The following FLT1 variants were observed in gnomAD, a reference collection of about 807,000 sequenced individuals.
FLT1 encodes the protein fms related receptor tyrosine kinase 1, also known as vascular endothelial growth factor receptor 1.
Under a neutral mutation model 156.3 loss-of-function variants are expected in FLT1, and 49 were observed. The observed-to-expected ratio is 0.31, with a 90% CI of 0.25 to 0.40. The LOEUF is 0.40. Ranked by LOEUF, FLT1 falls within the 10% of genes least tolerant of loss-of-function variation. The pLI, the probability that FLT1 is intolerant of heterozygous loss-of-function variation, is 1.00. For missense variants in FLT1, 1,322 were observed against 1,637.2 expected (o/e 0.81, Z 3.32); for synonymous variants, 594 against 583.8 (o/e 1.02, Z -0.25).
chr13:28,442,349 G>C (rs1878375172), intron 3 of FLT1, among the ~76,000 whole-genome samples: 1 of 152,094 alleles, frequency 6.6e-6, no homozygotes, highest in South Asian at 2.1e-4. Context: ...TTTCAACAAA[G>C]GACACTGGCA....
intron 3 of FLT1, among the ~76,000 whole-genome samples, chr13:28,443,560 T>G (rs1271466702): frequency 6.6e-6 from 1 of 152,238 alleles, no homozygotes. Context: ...TGGTTGCCTT[T>G]CTTTTAATTG....
intron 25 of FLT1, among the ~76,000 whole-genome samples, chr13:28,314,218 T>C (rs1477863613): frequency 5.3e-5 from 8 of 152,156 alleles, no homozygotes; most frequent in Non-Finnish European, 1.2e-4. Flanking sequence ...ATCAAGCTGC[T>C]GTCTGGGAGA....
At position 28,495,052 on chromosome 13, in the gene FLT1, C is replaced by G. The variant is rs1188281817; in HGVS notation, c.-209G>C. The G allele has an allele frequency of 8.5e-6, 4 of 471,680 alleles. No homozygotes were observed. Among genetic ancestry groups the G allele is most frequent in the Non-Finnish European group, 1.1e-5 (3 of 272,104 alleles). 29.2% of individuals were successfully genotyped at this position (471,680 alleles called of 1,614,324 possible). A position where few individuals can be genotyped will look rare whatever the true frequency, so the allele number is the denominator to read the frequency against. ...TGCACCCGAGCCCCGGAGCCCGCTCCGAGCCGCCGCCGCTGCCGGGGAGGA... is the reference window on the plus strand; with the variant it reads ...TGCACCCGAGCCCCGGAGCCCGCTCGGAGCCGCCGCCGCTGCCGGGGAGGA... On this transcript the variant is annotated 5_prime_UTR_variant, in exon 1 of 30. Transcript: ENST00000282397. This position sits in a 1 kb window ranked among gnomAD's most constrained non-coding sequence, Gnocchi z 4.1.
intron 15 of FLT1, among the ~76,000 whole-genome samples, chr13:28,347,590 G>A (rs184961458): frequency 3.3e-5 from 5 of 152,246 alleles, no homozygotes; most frequent in East Asian, 3.9e-4. Context: ...ATACAAGACA[G>A]GACCAGACCA....
intron 1 of FLT1, among the ~76,000 whole-genome samples, chr13:28,493,818 C>T (rs1430628988): frequency 1.3e-5 from 2 of 152,370 alleles, no homozygotes; most frequent in Admixed American, 1.3e-4. Context: ...CTGACTGTTC[C>T]ACCGCCCGTC....
chr13:28,386,413 T>C, intron 13 of FLT1: 1 of 1,036,920 alleles, frequency 9.6e-7, no homozygotes, highest in Non-Finnish European at 1.2e-6. Context: ...AATTTTGATT[T>C]CTACAGTTTA....
intron 10 of FLT1, among the ~76,000 whole-genome samples, chr13:28,416,713 C>A (rs1308924371): frequency 2.0e-5 from 3 of 152,182 alleles, no homozygotes; most frequent in South Asian, 4.1e-4. Flanking sequence ...GGCTATACAG[C>A]CTCTATCAGC....
At chr13:28,387,228 A>G in intron 13 of FLT1, 1 of 1,039,162 alleles carries the variant, frequency 9.6e-7, no homozygotes. Flanking sequence ...ACTCTGAAAT[A>G]TACAGTAATA....
chr13:28,428,021 T>G (rs1877452202), intron 8 of FLT1, 100 bp from the exon 9 acceptor site: 3 of 1,003,714 alleles, frequency 3.0e-6, no homozygotes, highest in African/African-American at 1.6e-5. Flanking sequence ...TTGACCAATT[T>G]CAAACCTTTG....
chr13:28,334,325 C>T (rs1215466660), intron 17 of FLT1, among the ~76,000 whole-genome samples, 196 bp from the exon 18 acceptor site: 1 of 152,090 alleles, frequency 6.6e-6, no homozygotes, highest in Non-Finnish European at 1.5e-5. Context: ...TTCCTGAGGC[C>T]CCACATCCTT....
At chr13:28,465,106 G>A (rs780411512) in intron 3 of FLT1, among the ~76,000 whole-genome samples, 3 of 152,120 alleles carry the variant, frequency 2.0e-5, no homozygotes, top group Non-Finnish European at 4.4e-5. Context: ...CAAGCGTGTT[G>A]TCTTTCCCCC....
intron 1 of FLT1, among the ~76,000 whole-genome samples, chr13:28,485,521 ATTG>A (rs1427274353): frequency 1.3e-5 from 2 of 152,096 alleles, no homozygotes; most frequent in Middle Eastern, 3.2e-3. Flanking sequence ...TGTAGCATTT[ATTG>A]TTATTTACTA....
intron 11 of FLT1, among the ~76,000 whole-genome samples, chr13:28,403,161 GT>G (rs1014007056): frequency 1.3e-5 from 2 of 151,714 alleles, no homozygotes; most frequent in Non-Finnish European, 2.9e-5. Flanking sequence ...CATTAGTTCT[GT>G]TTTTTTTGGA....
intron 14 of FLT1, among the ~76,000 whole-genome samples, chr13:28,366,228 A>T (rs1474373580): frequency 6.6e-6 from 1 of 152,200 alleles, no homozygotes; most frequent in Admixed American, 6.5e-5. Context: ...TGTAACTTAG[A>T]GTATGTACAT....
intron 10 of FLT1, among the ~76,000 whole-genome samples, chr13:28,423,026 G>A (rs192675719): frequency 1.3e-5 from 2 of 152,290 alleles, no homozygotes; most frequent in Admixed American, 1.3e-4. Flanking sequence ...CAGTACTCTG[G>A]CAGAGTTCAT....
At chr13:28,472,324 A>G (rs145617051) in intron 1 of FLT1, among the ~76,000 whole-genome samples, 1 of 152,358 alleles carries the variant, frequency 6.6e-6, no homozygotes, top group Non-Finnish European at 1.5e-5. Flanking sequence ...TCCAAAGCCC[A>G]GATGATTGAG....
chr13:28,425,467 G>GTT lies in FLT1; in HGVS notation c.1436+1690_1436+1691dup, dbSNP rs1426657853. 2.0e-5 allele frequency among the ~76,000 whole-genome samples: 3 copies of GTT among 152,218 alleles called. No homozygotes were observed. In the East Asian group the frequency reaches 5.8e-4, roughly 29 times the overall value. ...CAAAGAAATTGGAAAGAAAGCTAATGTTTACAAAGTTCCATTCGAGGTGGC... is the reference window on the plus strand; with the variant it reads ...CAAAGAAATTGGAAAGAAAGCTAATGTTTTTACAAAGTTCCATTCGAGGTGGC... On this transcript the variant is annotated intron_variant, in intron 10 of 29. Coordinates refer to ENST00000282397, the MANE Select transcript of FLT1 (RefSeq NM_002019.4).
chr13:28,414,000 T>C (rs1016142871), intron 10 of FLT1, among the ~76,000 whole-genome samples: 24 of 152,196 alleles, frequency 1.6e-4, no homozygotes, highest in African/African-American at 5.8e-4. Flanking sequence ...TAAAATTTTG[T>C]CCTTAGATCA....
chr13:28,351,868 T>C (rs1872742927), intron 15 of FLT1, among the ~76,000 whole-genome samples: 2 of 152,222 alleles, frequency 1.3e-5, no homozygotes, highest in African/African-American at 4.8e-5. Flanking sequence ...TGGTATATCT[T>C]ATTAACAAAC....
Sources: allele counts gnomAD v4.1 joint callset (sites outside exome capture counted in the v4.1 genomes callset), GRCh38; gene constraint gnomAD v4.1.1; non-coding constraint Gnocchi (gnomAD v3.1); transcripts MANE v1.5; gene names NCBI Gene and HGNC (gene_info 2026-07-23, HGNC 2026-07-21).